Variants in FHIT observed in about 807,000 individuals in gnomAD.
FHIT encodes the protein fragile histidine triad diadenosine triphosphatase, also known as bis(5'-adenosyl)-triphosphatase.
In FHIT, 19 loss-of-function variants were observed where a neutral mutation model predicts 17.9. The observed-to-expected ratio is 1.06, with a 90% confidence interval of 0.74 to 1.56. FHIT has a LOEUF of 1.56. Among genes scored for constraint, FHIT ranks in the 40% most tolerant of loss-of-function variants. FHIT has a pLI of 0.00. For missense variants in FHIT, 248 were observed against 189.2 expected, an observed-to-expected ratio of 1.31 and a Z score of -1.82; for synonymous variants, 81 against 69.7, an observed-to-expected ratio of 1.16 and a Z score of -0.81.
intron 8 of FHIT, among the ~76,000 whole-genome samples, chr3:59,874,347 T>C (rs1195865255): frequency 6.6e-6 from 1 of 152,194 alleles, no homozygotes; most frequent in African/African-American, 2.4e-5. Flanking sequence ...AAGTTAAAAA[T>C]TGATCCATAA....
intron 5 of FHIT, among the ~76,000 whole-genome samples, chr3:60,175,895 C>T (rs969787026): frequency 3.3e-5 from 5 of 152,152 alleles, no homozygotes; most frequent in Non-Finnish European, 7.3e-5. Flanking sequence ...AAGTAGCACA[C>T]TCTAATAGAA....
chr3:60,626,700 C>G (rs115220981), intron 4 of FHIT, among the ~76,000 whole-genome samples: 3,271 of 151,276 alleles, frequency 0.022, 58 homozygotes, highest in Non-Finnish European at 0.033. Context: ...GCCTAATTTC[C>G]CTGGTTAGAA....
intron 4 of FHIT, among the ~76,000 whole-genome samples, chr3:60,655,072 T>C (rs1177804813): frequency 7.9e-5 from 12 of 152,150 alleles, no homozygotes; most frequent in Admixed American, 7.9e-4. Flanking sequence ...GGTGGGAGCA[T>C]GTGAAAAGTT....
chr3:59,991,483 C>A (rs1709231164), intron 7 of FHIT, among the ~76,000 whole-genome samples: 2 of 151,968 alleles, frequency 1.3e-5, no homozygotes, highest in African/African-American at 4.8e-5. Flanking sequence ...TTGTATTTAT[C>A]ACGTCCTTCT....
intron 2 of FHIT, among the ~76,000 whole-genome samples, chr3:61,104,159 T>A (rs747865229): frequency 2.0e-5 from 3 of 152,150 alleles, no homozygotes; most frequent in Non-Finnish European, 2.9e-5. Flanking sequence ...TGTTTTATAG[T>A]GTCACTGGTC....
chr3:59,863,087 T>C (rs528090203), intron 8 of FHIT, among the ~76,000 whole-genome samples: 4 of 152,226 alleles, frequency 2.6e-5, no homozygotes, highest in Non-Finnish European at 5.9e-5. Flanking sequence ...GGAATAGTCC[T>C]ATCCAAGGAA....
intron 3 of FHIT, among the ~76,000 whole-genome samples, chr3:61,003,858 T>G (rs2031265857): frequency 2.0e-5 from 3 of 152,276 alleles, no homozygotes; most frequent in Admixed American, 2.0e-4. Context: ...GGCATGTCCA[T>G]TTCTGTAATA....
intron 5 of FHIT, among the ~76,000 whole-genome samples, chr3:60,148,693 C>T (rs1008188764): frequency 2.0e-5 from 3 of 152,106 alleles, no homozygotes; most frequent in South Asian, 2.1e-4. Context: ...GGAAAGATAA[C>T]TAAGATAAAA....
At chr3:60,008,739 A>G (rs1167045728) in intron 7 of FHIT, among the ~76,000 whole-genome samples, 3 of 152,232 alleles carry the variant, frequency 2.0e-5, no homozygotes, top group African/African-American at 7.2e-5. Context: ...AACTGTGTGA[A>G]TTCCAAAATA....
At chr3:59,990,283 G>C (rs1028397471) in intron 7 of FHIT, among the ~76,000 whole-genome samples, 2 of 152,002 alleles carry the variant, frequency 1.3e-5, no homozygotes, top group Non-Finnish European at 2.9e-5. Flanking sequence ...ATGAGAGTGA[G>C]GGGAATGATC....
chr3:59,756,071 C>T (rs1701202681), intron 8 of FHIT, among the ~76,000 whole-genome samples: 1 of 152,182 alleles, frequency 6.6e-6, no homozygotes, highest in African/African-American at 2.4e-5. Context: ...GCTGCTACTA[C>T]TGTCAGTCAT....
At chr3:61,008,133 T>TGCA (rs2031571255) in intron 3 of FHIT, among the ~76,000 whole-genome samples, 7 of 152,318 alleles carry the variant, frequency 4.6e-5, no homozygotes, top group African/African-American at 1.7e-4. Flanking sequence ...TCTAGGGAAT[T>TGCA]CAACCAAAGA....
At chr3:60,790,231 T>A (rs1306235356) in intron 4 of FHIT, among the ~76,000 whole-genome samples, 4 of 152,204 alleles carry the variant, frequency 2.6e-5, no homozygotes, top group Non-Finnish European at 5.9e-5. Context: ...TGCACCAAAG[T>A]CAACGGCAGG....
chr3:59,785,173 C>A (rs1702782510), intron 8 of FHIT, among the ~76,000 whole-genome samples: 1 of 152,154 alleles, frequency 6.6e-6, no homozygotes, highest in African/African-American at 2.4e-5. Flanking sequence ...TCCCACCAGG[C>A]CCTACCCTTC....
chr3:60,083,755 A>T (rs1703384755), intron 5 of FHIT, among the ~76,000 whole-genome samples: 1 of 152,222 alleles, frequency 6.6e-6, no homozygotes, highest in African/African-American at 2.4e-5. Flanking sequence ...GCAGTCATAT[A>T]TAATATATAA....
chr3:60,496,287 TA>T (rs899740708), intron 5 of FHIT, among the ~76,000 whole-genome samples: 1 of 151,884 alleles, frequency 6.6e-6, no homozygotes, highest in Admixed American at 6.6e-5. Flanking sequence ...CTAGAATATA[TA>T]AAAATACTAA....
intron 5 of FHIT, among the ~76,000 whole-genome samples, chr3:60,161,844 T>C (rs1700955919): frequency 6.6e-6 from 1 of 152,158 alleles, no homozygotes; most frequent in African/African-American, 2.4e-5. Context: ...TCAGGCTCGA[T>C]GGTGCCTGCT....
chr3:60,870,344 T>C (rs1186565252), intron 3 of FHIT, among the ~76,000 whole-genome samples: 4 of 152,070 alleles, frequency 2.6e-5, no homozygotes, highest in Non-Finnish European at 5.9e-5. Flanking sequence ...AAGTGGTCAG[T>C]TGTAGAAAAA....
chr3:60,634,883 A>G (rs1577006628), intron 4 of FHIT, among the ~76,000 whole-genome samples: 1 of 152,280 alleles, frequency 6.6e-6, no homozygotes, highest in East Asian at 1.9e-4. Flanking sequence ...TTTTAGAGTG[A>G]GACGCCATCT....
Sources: allele counts gnomAD v4.1 joint callset (sites outside exome capture counted in the v4.1 genomes callset), GRCh38; gene constraint gnomAD v4.1.1; transcripts MANE v1.5; gene names NCBI Gene and HGNC (gene_info 2026-07-23, HGNC 2026-07-21).